LRRC37A2: variants seen among roughly 807,000 people sequenced by gnomAD.
LRRC37A2 encodes the protein leucine rich repeat containing 37 member A2, also known as leucine-rich repeat-containing protein 37A2.
LRRC37A2 carries 9 observed loss-of-function variants against 68.8 expected under a neutral mutation model. The observed-to-expected ratio is 0.13, with a 90% CI of 0.08 to 0.23. The LOEUF (loss-of-function observed/expected upper bound fraction) is 0.23. Among genes scored for constraint, LRRC37A2 ranks in the 10% least tolerant of loss-of-function variants. LRRC37A2 has a pLI of 1.00. For missense variants in LRRC37A2, 168 were observed against 950.4 expected (o/e 0.18, Z 10.82); for synonymous variants, 63 against 367.6 (o/e 0.17, Z 9.48).
At chr17:46,485,863 CAGCT>C in the LRRC37A2 span, among the ~76,000 whole-genome samples, 2 of 88,314 alleles carry the variant, frequency 2.3e-5, no homozygotes, top group Non-Finnish European at 5.2e-5. Flanking sequence ...CCTGTAGTCC[CAGCT>C]ACTCGGGAGG....
At chr17:46,774,570 G>A in the LRRC37A2 span, among the ~76,000 whole-genome samples, 2 of 152,208 alleles carry the variant, frequency 1.3e-5, no homozygotes, top group Non-Finnish European at 2.9e-5. Flanking sequence ...GCTTGGCTTT[G>A]TGTCAAAACA....
chr17:46,850,772 A>G, the LRRC37A2 span, among the ~76,000 whole-genome samples: 1 of 152,162 alleles, frequency 6.6e-6, no homozygotes, highest in African/African-American at 2.4e-5. Flanking sequence ...TTGGGGCCCA[A>G]CACTTGAAGT....
the LRRC37A2 span, chr17:46,949,234 C>T: frequency 1.3e-5 from 2 of 152,194 alleles, no homozygotes; most frequent in Non-Finnish European, 2.9e-5. Flanking sequence ...CACACAGTGT[C>T]GCTGGGCACA....
At chr17:46,897,598 T>A in the LRRC37A2 span, among the ~76,000 whole-genome samples, 1 of 152,186 alleles carries the variant, frequency 6.6e-6, no homozygotes, top group Non-Finnish European at 1.5e-5. Context: ...GCTTGGTGAA[T>A]GGCTTTTCTT....
At chr17:46,501,457 G>A in the LRRC37A2 span, among the ~76,000 whole-genome samples, 1 of 151,326 alleles carries the variant, frequency 6.6e-6, no homozygotes, top group East Asian at 1.9e-4. Context: ...CTACAGGTGT[G>A]GGCCACCACG....
rs556403676 is a variant in LRRC37A2 at position 46,550,407 on chromosome 17, T to C, written c.4705-8T>C. 2.6e-6 allele frequency: 2 copies of C among 760,330 alleles called. No individual in the cohort carries two copies. The highest frequency in any genetic ancestry group is 2.7e-5 in the East Asian group (1 of 37,682). The allele number at this position is 760,330 out of a possible 1,614,324, so 47.1% of individuals were successfully genotyped here. A position where few individuals can be genotyped will look rare whatever the true frequency, so the allele number is the denominator to read the frequency against. ...TCTGGTTTTTTTTTTGTGTGTTTTTTTTTTTAGCTCAAAAAAGAAGTTCCA... is the reference window on the plus strand; with the variant it reads ...TCTGGTTTTTTTTTTGTGTGTTTTTCTTTTTAGCTCAAAAAAGAAGTTCCA... On this transcript the variant is annotated splice_region_variant and splice_polypyrimidine_tract_variant and intron_variant, in intron 10 of 14. Coordinates refer to ENST00000576629, the Ensembl canonical transcript of LRRC37A2.
chr17:46,759,596 G>A, the LRRC37A2 span, among the ~76,000 whole-genome samples: 1 of 152,348 alleles, frequency 6.6e-6, no homozygotes, highest in East Asian at 1.9e-4. Flanking sequence ...GCAATGCGTA[G>A]CTGCACTGAC....
At chr17:46,492,544 A>C in the LRRC37A2 span, among the ~76,000 whole-genome samples, 1 of 150,192 alleles carries the variant, frequency 6.7e-6, no homozygotes, top group African/African-American at 2.5e-5. Context: ...TAGGAGTATG[A>C]TTTCTGGGTT....
chr17:46,966,013 CTCTT>C, the LRRC37A2 span, among the ~76,000 whole-genome samples: 3,955 of 152,198 alleles, frequency 0.026, 403 homozygotes, highest in East Asian at 0.35. Flanking sequence ...ACCTAACCTT[CTCTT>C]TCTTTCTCCA....
the LRRC37A2 span, chr17:46,932,359 T>C: frequency 2.7e-6 from 2 of 744,200 alleles, no homozygotes. Context: ...CCACAGAGAC[T>C]AGACCTAGAC....
the LRRC37A2 span, chr17:46,885,608 A>G: frequency 6.6e-6 from 1 of 152,204 alleles, no homozygotes; most frequent in South Asian, 2.1e-4. Context: ...CGGCCGCCTT[A>G]GCATTTTGTG....
chr17:46,537,073 G>A (rs1279027196), intron 6 of LRRC37A2, among the ~76,000 whole-genome samples: 1 of 2,492 alleles, frequency 4.0e-4, no homozygotes, highest in Non-Finnish European at 4.1e-3. Flanking sequence ...GTTTATTGTG[G>A]TCAATTTTTT....
At chr17:46,995,160 A>G in the LRRC37A2 span, among the ~76,000 whole-genome samples, 11 of 152,266 alleles carry the variant, frequency 7.2e-5, 3 homozygotes, top group Admixed American at 7.2e-4. Flanking sequence ...CTATGGTTGC[A>G]GGTACTCAGA....
chr17:46,987,346 G>A, the LRRC37A2 span, among the ~76,000 whole-genome samples: 2 of 152,124 alleles, frequency 1.3e-5, no homozygotes, highest in African/African-American at 2.4e-5. Context: ...GCATGTGGGC[G>A]CCAGGACGCT....
chr17:46,770,077 T>G, the LRRC37A2 span: 1 of 1,520,648 alleles, frequency 6.6e-7, no homozygotes, highest in East Asian at 2.5e-5. Flanking sequence ...GAGGCAGCAC[T>G]CAGGACCCGG....
At chr17:46,875,839 T>C in the LRRC37A2 span, among the ~76,000 whole-genome samples, 5,855 of 151,946 alleles carry the variant, frequency 0.039, 154 homozygotes, top group Middle Eastern at 0.071. Context: ...GTCTGGAGGG[T>C]GAAAAGTATC....
the LRRC37A2 span, among the ~76,000 whole-genome samples, chr17:47,000,728 A>C: frequency 6.6e-6 from 1 of 152,058 alleles, no homozygotes; most frequent in African/African-American, 2.4e-5. Flanking sequence ...GACCTGCTTT[A>C]TAATCGTGGG....
chr17:46,729,066 C>A, the LRRC37A2 span: 1 of 576,366 alleles, frequency 1.7e-6, no homozygotes, highest in South Asian at 2.8e-5. Context: ...TTTGAAAGGT[C>A]GTCCAGTCTT....
chr17:46,789,527 A>G, the LRRC37A2 span, among the ~76,000 whole-genome samples: 1 of 152,198 alleles, frequency 6.6e-6, no homozygotes, highest in Non-Finnish European at 1.5e-5. Context: ...GAAGGCCCCA[A>G]CCTTCCCTAT....
Sources: allele counts gnomAD v4.1 joint callset (sites outside exome capture counted in the v4.1 genomes callset), GRCh38; gene constraint gnomAD v4.1.1; transcripts MANE v1.5; gene names NCBI Gene and HGNC (gene_info 2026-07-23, HGNC 2026-07-21).